Variants in SEPTIN7 observed in about 807,000 individuals in gnomAD.
The protein encoded by SEPTIN7 is septin 7.
SEPTIN7 carries 10 observed loss-of-function variants against 63.3 expected under a neutral mutation model. That is an observed-to-expected ratio of 0.16 (90% confidence interval 0.10 to 0.27). The LOEUF (loss-of-function observed/expected upper bound fraction) is 0.27. Ranked by LOEUF, SEPTIN7 falls within the 10% of genes least tolerant of loss-of-function variation. The probability of loss-of-function intolerance (pLI) is 1.00; values close to 1 mark genes in which losing one functional copy is unlikely to be tolerated. For synonymous variants in SEPTIN7, 131 were observed against 165.3 expected, an observed-to-expected ratio of 0.79 and a Z score of 1.59; for missense variants, 310 against 521.0, an observed-to-expected ratio of 0.59 and a Z score of 3.94.
chr7:35,836,408 A>C (rs1056793331), intron 3 of SEPTIN7, among the ~76,000 whole-genome samples: 2 of 152,220 alleles, frequency 1.3e-5, no homozygotes, highest in African/African-American at 4.8e-5. Context: ...TCCTAGGAAG[A>C]TAGAATCCAA....
downstream of SEPTIN7, among the ~76,000 whole-genome samples, chr7:35,908,703 C>G (rs376833195): frequency 6.6e-6 from 1 of 152,138 alleles, no homozygotes; most frequent in African/African-American, 2.4e-5. Flanking sequence ...GTTCTCTCTT[C>G]GAGGTGGGCC....
intron 1 of SEPTIN7, among the ~76,000 whole-genome samples, chr7:35,814,932 G>A (rs1180779214): frequency 1.6e-5 from 2 of 124,100 alleles, no homozygotes; most frequent in Non-Finnish European, 3.1e-5. Flanking sequence ...CCGAGATCTC[G>A]CCACTGCACT....
the SEPTIN7 span, among the ~76,000 whole-genome samples, chr7:35,913,584 TTTCC>T: frequency 2.7e-5 from 4 of 149,666 alleles, no homozygotes; most frequent in Admixed American, 6.7e-5. Flanking sequence ...TCCTTCCTTC[TTTCC>T]TTCCTTCCTT....
chr7:35,869,790 TTA>T (rs1363371314), intron 4 of SEPTIN7, among the ~76,000 whole-genome samples: 2 of 152,150 alleles, frequency 1.3e-5, no homozygotes, highest in Non-Finnish European at 2.9e-5. Flanking sequence ...AATAGATGAA[TTA>T]TACATAGATG....
chr7:35,885,944 T>A (rs1787214118), intron 10 of SEPTIN7, 65 bp downstream of exon 10: 6 of 1,149,476 alleles, frequency 5.2e-6, no homozygotes, highest in Admixed American at 4.2e-5. Flanking sequence ...TTGGACAGAT[T>A]TACTTTTTGC....
chr7:35,859,584 G>T (rs1785395144), intron 3 of SEPTIN7, among the ~76,000 whole-genome samples: 2 of 152,076 alleles, frequency 1.3e-5, no homozygotes, highest in African/African-American at 4.8e-5. Context: ...ATTGAAACTG[G>T]AGTATTGAAG....
intron 4 of SEPTIN7, among the ~76,000 whole-genome samples, chr7:35,870,334 A>G (rs1298449597): frequency 1.3e-5 from 2 of 152,226 alleles, no homozygotes; most frequent in Non-Finnish European, 2.9e-5. Flanking sequence ...TGTTAAGTTA[A>G]AATGTGTAAT....
intron 1 of SEPTIN7, among the ~76,000 whole-genome samples, chr7:35,804,981 C>T (rs550286906): frequency 7.2e-5 from 11 of 152,102 alleles, no homozygotes; most frequent in Admixed American, 6.5e-4. Flanking sequence ...GCTGGGATTA[C>T]AGGTGCTTGC....
intron 13 of SEPTIN7, 75 bp from the exon 14 acceptor site, chr7:35,904,179 A>G (rs1416527391): frequency 3.7e-6 from 4 of 1,075,542 alleles, no homozygotes; most frequent in Non-Finnish European, 5.2e-6. Context: ...TAATTGGGTT[A>G]GCTGTTGTTA....
chr7:35,858,438 C>T (rs1341816902), intron 3 of SEPTIN7, among the ~76,000 whole-genome samples: 2 of 152,130 alleles, frequency 1.3e-5, no homozygotes, highest in African/African-American at 2.4e-5. Context: ...TCACTGCAAC[C>T]TCCGCCTCCC....
intron 1 of SEPTIN7, among the ~76,000 whole-genome samples, chr7:35,810,524 C>T (rs958016374): frequency 1.3e-5 from 2 of 151,852 alleles, no homozygotes; most frequent in Non-Finnish European, 2.9e-5. Flanking sequence ...TGGGTTTCAC[C>T]GTGTTAGCCA....
chr7:35,803,842 A>G (rs910274690), intron 1 of SEPTIN7, among the ~76,000 whole-genome samples: 9 of 152,238 alleles, frequency 5.9e-5, no homozygotes, highest in African/African-American at 2.2e-4. Context: ...TTATGGGTTT[A>G]GTTCGCTATA....
intron 6 of SEPTIN7, among the ~76,000 whole-genome samples, chr7:35,875,498 T>C (rs1583603467): frequency 6.6e-6 from 1 of 152,200 alleles, no homozygotes; most frequent in East Asian, 1.9e-4. Context: ...TTTGGAGGGA[T>C]TTGTTTTTAG....
intron 10 of SEPTIN7, chr7:35,890,416 GT>G: frequency 4.5e-6 from 1 of 223,672 alleles, no homozygotes; most frequent in Non-Finnish European, 8.6e-6. Flanking sequence ...TTCAGTAACT[GT>G]TTTTGGGGAT....
chr7:35,895,477 G>T (rs1216503212), intron 11 of SEPTIN7, among the ~76,000 whole-genome samples: 3 of 152,070 alleles, frequency 2.0e-5, no homozygotes. Flanking sequence ...TTAAATAATT[G>T]CAAATTTCTT....
chr7:35,815,837 A>G (rs1221700502), intron 1 of SEPTIN7, among the ~76,000 whole-genome samples: 1 of 152,050 alleles, frequency 6.6e-6, no homozygotes, highest in Non-Finnish European at 1.5e-5. Context: ...TAATGGGAAT[A>G]TATGGAAAAT....
rs139250302 is a variant in SEPTIN7, at chr7:35,876,621, C to G, written c.512+2846C>G. Among the ~76,000 whole-genome samples the G allele has an allele frequency of 6.5e-3, 983 of 152,202 alleles. 13 individuals are homozygous for G. The highest frequency in any genetic ancestry group is 0.021 in the African/African-American group (855 of 41,538). On this transcript the variant is annotated intron_variant, in intron 6 of 13. Transcript: ENST00000350320. The stretch of plus-strand genomic sequence containing the variant: ...GGGGACCAAGGCAGGAGGACCATTG[C>G]TTGAGGCCACAGACTAGGCAACATA...
At chr7:35,862,886 TAGACA>T (rs1199202347) in intron 3 of SEPTIN7, among the ~76,000 whole-genome samples, 3 of 151,992 alleles carry the variant, frequency 2.0e-5, no homozygotes, top group Admixed American at 2.0e-4. Flanking sequence ...TATGTTAGAC[TAGACA>T]TGGAGAGTCA....
rs1372695954 is a variant in SEPTIN7 at position 35,905,290 on chromosome 7, A to G, written c.*997A>G. ...TGTATTGTAAAAAATTCACATAATA[A>G]ACGATGTTGTGATGTAATATTGTGT... On this transcript the variant is annotated 3_prime_UTR_variant, in exon 14 of 14. Transcript: ENST00000350320. 6.6e-6 allele frequency: 1 copy of G among 152,654 alleles called. No individual in the cohort carries two copies. Among genetic ancestry groups the G allele is most frequent in the Non-Finnish European group, 1.5e-5 (1 of 68,046 alleles). The allele number at this position is 152,654 out of a possible 1,614,324, so 9.5% of individuals were successfully genotyped here. A position where few individuals can be genotyped will look rare whatever the true frequency, so the allele number is the denominator to read the frequency against.
Sources: gnomAD v4.1 joint callset for allele counts (sites outside exome capture counted in the v4.1 genomes callset) on GRCh38, gnomAD v4.1.1 for gene constraint, MANE v1.5 for transcripts, NCBI Gene and HGNC (gene_info 2026-07-23, HGNC 2026-07-21) for gene names.